Variants in SEMA3E observed in about 807,000 individuals in gnomAD.
SEMA3E encodes the protein semaphorin 3E.
SEMA3E carries 49 observed loss-of-function variants against 93.6 expected under a neutral mutation model. That is an observed-to-expected ratio of 0.52 (90% CI 0.42 to 0.66). The LOEUF (loss-of-function observed/expected upper bound fraction) is 0.66, where lower values mean the gene tolerates loss of function less well. Among genes scored for constraint, SEMA3E ranks in the 30% least tolerant of loss-of-function variants. SEMA3E has a pLI of 0.00. For missense variants in SEMA3E, 906 were observed against 964.8 expected (o/e 0.94, Z 0.81); for synonymous variants, 363 against 330.7 (o/e 1.10, Z -1.06).
chr7:83,573,798 A>G (rs1388006551), intron 1 of SEMA3E, among the ~76,000 whole-genome samples: 2 of 151,942 alleles, frequency 1.3e-5, no homozygotes, highest in East Asian at 3.9e-4. Flanking sequence ...TGCTTATTAT[A>G]TATCAGATAC....
chr7:83,636,392 T>A (rs1000849007), intron 1 of SEMA3E, among the ~76,000 whole-genome samples: 1 of 152,100 alleles, frequency 6.6e-6, no homozygotes, highest in South Asian at 2.1e-4. Context: ...GAATTGTATG[T>A]GGTATTCAGC....
chr7:83,446,128 C>A (rs1257164203), intron 4 of SEMA3E, among the ~76,000 whole-genome samples: 1 of 152,196 alleles, frequency 6.6e-6, no homozygotes, highest in Non-Finnish European at 1.5e-5. Flanking sequence ...CTCAGGGTTA[C>A]ACAGTTAGTG....
intron 2 of SEMA3E, among the ~76,000 whole-genome samples, chr7:83,481,552 A>G (rs1398318550): frequency 6.6e-6 from 1 of 152,192 alleles, no homozygotes; most frequent in Non-Finnish European, 1.5e-5. Flanking sequence ...CTCACATTAG[A>G]TAACGCAAAT....
At chr7:83,383,372 G>A (rs994824084) in intron 16 of SEMA3E, among the ~76,000 whole-genome samples, 6 of 151,812 alleles carry the variant, frequency 4.0e-5, no homozygotes, top group Admixed American at 3.9e-4. Flanking sequence ...AATGGCAATA[G>A]TGGAAAAATT....
At chr7:83,461,414 T>C (rs1033735413) in intron 4 of SEMA3E, among the ~76,000 whole-genome samples, 5 of 152,192 alleles carry the variant, frequency 3.3e-5, no homozygotes, top group African/African-American at 1.2e-4. Flanking sequence ...ATAATCTTTT[T>C]GTCACCTCCC....
chr7:83,602,630 A>G (rs1010873269), intron 1 of SEMA3E, among the ~76,000 whole-genome samples: 5 of 151,934 alleles, frequency 3.3e-5, no homozygotes, highest in African/African-American at 9.7e-5. Flanking sequence ...GGCATGCGCC[A>G]TCACACCCAG....
intron 1 of SEMA3E, among the ~76,000 whole-genome samples, chr7:83,604,423 C>CTATATA (rs780856625): frequency 1.5e-5 from 2 of 135,752 alleles, no homozygotes; most frequent in Non-Finnish European, 1.6e-5. Context: ...GTGGTTTTCT[C>CTATATA]TCTCTATATA....
intron 4 of SEMA3E, among the ~76,000 whole-genome samples, chr7:83,436,263 T>A (rs906704032): frequency 2.6e-5 from 4 of 151,532 alleles, no homozygotes; most frequent in Non-Finnish European, 5.9e-5. Flanking sequence ...TCAGGCATAA[T>A]AAGAAAATAA....
intron 1 of SEMA3E, among the ~76,000 whole-genome samples, chr7:83,544,873 A>G (rs1157675264): frequency 6.6e-6 from 1 of 152,070 alleles, no homozygotes; most frequent in Non-Finnish European, 1.5e-5. Context: ...ATTTAAAGCC[A>G]TGATTTAATG....
intron 1 of SEMA3E, among the ~76,000 whole-genome samples, chr7:83,490,667 T>C (rs966218896): frequency 9.2e-5 from 14 of 152,178 alleles, no homozygotes; most frequent in Admixed American, 8.5e-4. Context: ...ATAATGTTTC[T>C]ACTTGAAATT....
intron 1 of SEMA3E, among the ~76,000 whole-genome samples, chr7:83,549,199 A>G (rs1189048758): frequency 6.6e-6 from 1 of 152,170 alleles, no homozygotes; most frequent in East Asian, 1.9e-4. Flanking sequence ...ATACCAATTT[A>G]TATTTGTATA....
At chr7:83,389,255 C>T (rs990653854) in intron 14 of SEMA3E, among the ~76,000 whole-genome samples, 4 of 151,822 alleles carry the variant, frequency 2.6e-5, no homozygotes, top group African/African-American at 7.3e-5. Context: ...GTTGTTAATC[C>T]CTCACTTTGT....
At chr7:83,483,192 T>C (rs1476290412) in intron 2 of SEMA3E, among the ~76,000 whole-genome samples, 3 of 152,108 alleles carry the variant, frequency 2.0e-5, no homozygotes, top group African/African-American at 7.2e-5. Context: ...AGATAATATA[T>C]AAATGTAGAA....
Position 83,367,564 on chromosome 7 carries a change from G to A in SEMA3E, c.*22C>T, listed in dbSNP as rs768333463. 5.0e-6 allele frequency: 8 copies of A among 1,609,676 alleles called. No individual in the cohort carries two copies. In the African/African-American group the frequency reaches 1.1e-4, roughly 22 times the overall value. ...CTTTCCAAATATAAATTCTTCAAAA[G>A]ACAGTAGATAGTCTCACCCCATCAG... On this transcript the variant is annotated 3_prime_UTR_variant, in exon 17 of 17. Coordinates refer to ENST00000643230, the MANE Select transcript of SEMA3E (RefSeq NM_012431.3).
At chr7:83,441,423 C>A (rs1180862608) in intron 4 of SEMA3E, among the ~76,000 whole-genome samples, 1 of 151,954 alleles carries the variant, frequency 6.6e-6, no homozygotes, top group African/African-American at 2.4e-5. Context: ...TATGTTAGCA[C>A]TAAGATTCAG....
chr7:83,477,224 A>C (rs1022718446), intron 2 of SEMA3E, among the ~76,000 whole-genome samples: 1 of 152,134 alleles, frequency 6.6e-6, no homozygotes, highest in Non-Finnish European at 1.5e-5. Flanking sequence ...GTCTATCTTC[A>C]TAGAATATAT....
intron 1 of SEMA3E, among the ~76,000 whole-genome samples, chr7:83,514,072 G>A (rs570862060): frequency 6.6e-6 from 1 of 152,088 alleles, no homozygotes; most frequent in Non-Finnish European, 1.5e-5. Context: ...AGATCGCCAC[G>A]AGAGTGACCT....
At position 83,621,811 on chromosome 7, in the gene SEMA3E, C is replaced by T. The variant is rs138701523; in HGVS notation, c.115+26617G>A. On this transcript the variant is annotated intron_variant, in intron 1 of 16. Coordinates refer to ENST00000643230, the MANE Select transcript of SEMA3E (RefSeq NM_012431.3). The stretch of plus-strand genomic sequence containing the variant: ...CATATGCAGAAAACTGAAACTGGAC[C>T]CCTTCCTTACACGTTATACAAAGAT... Among the ~76,000 whole-genome samples the T allele has an allele frequency of 2.0e-5, 3 of 152,100 alleles. No individual in the cohort carries two copies. In the South Asian group the frequency reaches 6.2e-4, roughly 32 times the overall value.
chr7:83,561,336 C>A (rs567061891), intron 1 of SEMA3E, among the ~76,000 whole-genome samples: 5 of 152,146 alleles, frequency 3.3e-5, no homozygotes, highest in African/African-American at 1.2e-4. Flanking sequence ...TCTCCATGTG[C>A]GATAAAATGT....
Sources: gnomAD v4.1 joint callset for allele counts (sites outside exome capture counted in the v4.1 genomes callset) on GRCh38, gnomAD v4.1.1 for gene constraint, MANE v1.5 for transcripts, NCBI Gene and HGNC (gene_info 2026-07-23, HGNC 2026-07-21) for gene names.